Variants in RMDN1 observed in about 807,000 individuals in gnomAD.
The protein encoded by RMDN1 is regulator of microtubule dynamics 1.
Under a neutral mutation model 48.9 loss-of-function variants are expected in RMDN1, and 48 were observed. The ratio of observed to expected loss-of-function variants is 0.98; its 90% CI spans 0.78 to 1.25. The LOEUF (loss-of-function observed/expected upper bound fraction) is 1.25. Ranked by LOEUF, RMDN1 falls within the 50% of genes most tolerant of loss-of-function variation. RMDN1 has a pLI of 0.00. For synonymous variants in RMDN1, 148 were observed against 132.6 expected, an observed-to-expected ratio of 1.12 and a Z score of -0.80; for missense variants, 418 against 373.4, an observed-to-expected ratio of 1.12 and a Z score of -0.98.
At chr8:86,499,318 CAT>C (rs1016010959) in intron 2 of RMDN1, among the ~76,000 whole-genome samples, 16 of 152,096 alleles carry the variant, frequency 1.1e-4, no homozygotes, top group African/African-American at 3.9e-4. Flanking sequence ...TAGAAAACCC[CAT>C]AAACAGTCTG....
intron 2 of RMDN1, chr8:86,503,755 G>A (rs779191305): frequency 8.2e-6 from 4 of 487,432 alleles, no homozygotes; most frequent in African/African-American, 3.9e-5. Flanking sequence ...TGTTGCTCAC[G>A]TCCCTCTGGT....
Position 86,480,191 on chromosome 8 carries a change from C to T in RMDN1, c.641+86G>A, listed in dbSNP as rs1046080585. ...GATAATATTTTAAAATATTTAATAT[C>T]TTTTATATATGCAAAAGAAGATATT... On this transcript the variant is annotated intron_variant, in intron 6 of 9. Coordinates refer to ENST00000406452, the MANE Select transcript of RMDN1 (RefSeq NM_016033.3). 20 of 654,396 alleles carry T rather than the reference C, an allele frequency of 3.1e-5. No homozygotes were observed. The Admixed American group carries it at 5.7e-4, about 19-fold the overall frequency. 40.5% of individuals were successfully genotyped at this position (654,396 alleles called of 1,614,324 possible).
At chr8:86,482,756 T>C (rs1192760578) in intron 5 of RMDN1, 20 of 935,246 alleles carry the variant, frequency 2.1e-5, no homozygotes, top group Non-Finnish European at 3.2e-5. Context: ...CCATAACCTG[T>C]GTGCAACAGG....
chr8:86,482,996 G>A (rs1300216575), intron 5 of RMDN1: 2 of 663,478 alleles, frequency 3.0e-6, no homozygotes, highest in Non-Finnish European at 5.4e-6. Context: ...TCGATGAGCA[G>A]TGGCATCGTG....
At chr8:86,501,542 G>A (rs1030976466) in intron 2 of RMDN1, among the ~76,000 whole-genome samples, 3 of 152,014 alleles carry the variant, frequency 2.0e-5, no homozygotes, top group South Asian at 4.1e-4. Flanking sequence ...GCATGGTGGT[G>A]TGCATCTGTA....
chr8:86,505,018 T>C (rs936336107), intron 2 of RMDN1: 56 of 1,483,946 alleles, frequency 3.8e-5, no homozygotes, highest in Non-Finnish European at 4.6e-5. Context: ...GATGGCATCA[T>C]GGAGATGAAC....
chr8:86,495,995 A>G (rs1237780714), intron 2 of RMDN1, among the ~76,000 whole-genome samples: 3 of 152,188 alleles, frequency 2.0e-5, no homozygotes, highest in African/African-American at 7.2e-5. Context: ...AGGGGACTAT[A>G]TTCAACATCC....
At chr8:86,477,936 G>C (rs1194778098) in intron 7 of RMDN1, 1 of 151,794 alleles carries the variant, frequency 6.6e-6, no homozygotes, top group Admixed American at 6.6e-5. Context: ...GCCCAGGCTG[G>C]AATGCTGTAG....
chr8:86,472,129 T>G (rs181647468), downstream of RMDN1, among the ~76,000 whole-genome samples: 1 of 152,236 alleles, frequency 6.6e-6, no homozygotes, highest in Admixed American at 6.5e-5. Context: ...ACATTTGGGG[T>G]GAACTATTAT....
chr8:86,477,600 C>G (rs942415233), intron 7 of RMDN1: 1 of 321,612 alleles, frequency 3.1e-6, no homozygotes, highest in Non-Finnish European at 5.6e-6. Context: ...AAGGAAAGAA[C>G]ATTATCACGT....
chr8:86,508,728 T>A, upstream of RMDN1: 11 of 1,408,714 alleles, frequency 7.8e-6, no homozygotes, highest in Non-Finnish European at 9.2e-6. Flanking sequence ...GCCCGCCTCC[T>A]GCACAGCACC....
intron 8 of RMDN1, 32 bp from the exon 9 acceptor site, chr8:86,474,985 G>A (rs767213791): frequency 5.8e-6 from 9 of 1,558,702 alleles, no homozygotes; most frequent in African/African-American, 2.8e-5. Flanking sequence ...TGATCTCAGA[G>A]GAAACAGTGT....
intron 2 of RMDN1, chr8:86,503,754 C>T (rs1005338911): frequency 1.2e-5 from 6 of 489,612 alleles, no homozygotes; most frequent in African/African-American, 3.9e-5. Context: ...ATGTTGCTCA[C>T]GTCCCTCTGG....
At chr8:86,485,640 G>A (rs1422458624) in intron 4 of RMDN1, among the ~76,000 whole-genome samples, 2 of 152,034 alleles carry the variant, frequency 1.3e-5, no homozygotes, top group Non-Finnish European at 2.9e-5. Flanking sequence ...CTCTCACATT[G>A]CATTGTTATA....
At chr8:86,503,335 G>C (rs1818602557) in intron 2 of RMDN1, among the ~76,000 whole-genome samples, 1 of 140,510 alleles carries the variant, frequency 7.1e-6, no homozygotes, top group South Asian at 2.3e-4. Context: ...CTGAGCAATA[G>C]AGCAAGACTC....
In RMDN1 at chr8:86,507,061, A is replaced by G. The variant is rs761281168; in HGVS notation, c.181T>C (p.Ser61Pro). The G allele has an allele frequency of 2.5e-6, 4 of 1,613,480 alleles. No homozygotes were observed. Among genetic ancestry groups the G allele is most frequent in the Non-Finnish European group, 3.4e-6 (4 of 1,179,416 alleles). ...TGGTAAGTTTCAAAACCCAAATACG[A>G]CAAAGCTGAGAGTAAAAGGCCTCTT... ...FKRGLLLSAL[S>P]YLGFETYQVI... is the part of the protein sequence containing the mutation. Residue 61 changes from serine to proline, a missense_variant, in exon 2 of 10, where the codon TCG (serine) becomes CCG (proline). Transcript: ENST00000406452.
chr8:86,470,830 G>T (rs1284139340), downstream of RMDN1, among the ~76,000 whole-genome samples: 2 of 152,144 alleles, frequency 1.3e-5, no homozygotes, highest in African/African-American at 4.8e-5. Context: ...ACAAAATTAT[G>T]GAGAACAGAT....
At position 86,477,469 on chromosome 8, in the gene RMDN1, T is replaced by G; in HGVS notation, c.730-145A>C. 3 of 612,012 alleles carry G rather than the reference T, an allele frequency of 4.9e-6. No individual in the cohort carries two copies. In the Admixed American group the frequency reaches 1.0e-4, roughly 20 times the overall value. The allele number at this position is 612,012 out of a possible 1,614,324, so 37.9% of individuals were successfully genotyped here. A position where few individuals can be genotyped will look rare whatever the true frequency, so the allele number is the denominator to read the frequency against. On this transcript the variant is annotated intron_variant, in intron 7 of 9. Coordinates refer to ENST00000406452, the MANE Select transcript of RMDN1 (RefSeq NM_016033.3). ...AAAATAATGGTCACTTCTTCAACAG[T>G]GAGAGTTAACACCCAAAGTGAACGT...
At chr8:86,475,589 A>G (rs1310877847) in intron 8 of RMDN1, among the ~76,000 whole-genome samples, 1 of 152,176 alleles carries the variant, frequency 6.6e-6, no homozygotes, top group African/African-American at 2.4e-5. Flanking sequence ...AGTGGAGAAC[A>G]TTCTTGGCTG....
Sources: allele counts gnomAD v4.1 joint callset (sites outside exome capture counted in the v4.1 genomes callset), GRCh38; gene constraint gnomAD v4.1.1; transcripts MANE v1.5; gene names NCBI Gene and HGNC (gene_info 2026-07-23, HGNC 2026-07-21).